Variants in COL4A5 observed in about 807,000 individuals in gnomAD.
The protein encoded by COL4A5 is collagen alpha-5(IV) chain.
Under a neutral mutation model 130.2 loss-of-function variants are expected in COL4A5, and 26 were observed. That is an observed-to-expected ratio of 0.20 (90% confidence interval 0.15 to 0.28). COL4A5 has a LOEUF of 0.28. Ranked by LOEUF, COL4A5 falls within the 10% of genes least tolerant of loss-of-function variation. The probability of loss-of-function intolerance (pLI) is 1.00; values close to 1 mark genes in which losing one functional copy is unlikely to be tolerated. For missense variants in COL4A5, 1,131 were observed against 1,344.3 expected (o/e 0.84, Z 2.48); for synonymous variants, 496 against 439.6 (o/e 1.13, Z -1.60).
chrX:108,477,833 AAAG>A (rs943771287), intron 1 of COL4A5, among the ~76,000 whole-genome samples: 2 of 109,481 alleles, frequency 1.8e-5, no homozygotes, highest in African/African-American at 3.3e-5. Context: ...AAAAAAAAAA[AAAG>A]AAGAAGGAGA....
intron 1 of COL4A5, among the ~76,000 whole-genome samples, chrX:108,538,750 T>C (rs1223184792): frequency 8.9e-6 from 1 of 112,279 alleles, no homozygotes; most frequent in Non-Finnish European, 1.9e-5. Flanking sequence ...AAGTAAACAC[T>C]GAGCTATCCA....
At chrX:108,480,436 G>A (rs2064877958) in intron 1 of COL4A5, among the ~76,000 whole-genome samples, 1 of 112,860 alleles carries the variant, frequency 8.9e-6, no homozygotes, top group African/African-American at 3.2e-5. Flanking sequence ...GATCCAATCA[G>A]CATAATGTCA....
chrX:108,625,010 G>A (rs1468161225), intron 34 of COL4A5, among the ~76,000 whole-genome samples: 3 of 111,724 alleles, frequency 2.7e-5, no homozygotes, highest in African/African-American at 9.7e-5. Flanking sequence ...GTTGGGAAGA[G>A]AAACTCCCTT....
intron 1 of COL4A5, among the ~76,000 whole-genome samples, chrX:108,459,510 T>A (rs1342015912): frequency 3.6e-5 from 4 of 112,526 alleles, no homozygotes; most frequent in Non-Finnish European, 5.6e-5. Context: ...TTGATATTTA[T>A]AAATAACAAT....
chrX:108,473,634 T>TATATATATATATATATATATATATA (rs1556359558), intron 1 of COL4A5, among the ~76,000 whole-genome samples: 1 of 22,927 alleles, frequency 4.4e-5, no homozygotes, highest in African/African-American at 2.1e-4. Flanking sequence ...TATATATATA[T>TATATATATATATATATATATATATA]TTTTTTTTTT....
intron 1 of COL4A5, among the ~76,000 whole-genome samples, chrX:108,476,587 C>G (rs2064836168): frequency 9.6e-6 from 1 of 104,303 alleles, no homozygotes; most frequent in South Asian, 4.6e-4. Context: ...AACCTCACTA[C>G]CCTTCCCAGC....
In COL4A5 at chrX:108,645,911, C is replaced by T. The variant is rs756578251; in HGVS notation, c.3247-9420C>T. Among the ~76,000 whole-genome samples, 59 of 110,986 alleles carry T rather than the reference C, an allele frequency of 5.3e-4. No homozygotes were observed. In the South Asian group the frequency reaches 0.022, roughly 41 times the overall value. On this transcript the variant is annotated intron_variant, in intron 36 of 52. Transcript: ENST00000328300. ...CATGTCCCTACAAAGGACATGAACTCATCATTTTTAATGGCTGCATAGTAT... is the reference window on the plus strand; with the variant it reads ...CATGTCCCTACAAAGGACATGAACTTATCATTTTTAATGGCTGCATAGTAT...
intron 16 of COL4A5, 80 bp downstream of exon 16, chrX:108,581,107 T>A: frequency 1.2e-6 from 1 of 852,141 alleles, no homozygotes; most frequent in Non-Finnish European, 1.8e-6. Flanking sequence ...AGAGAAGCAG[T>A]ATGACAAAAA....
At chrX:108,659,449 A>G (rs1162497696) in intron 37 of COL4A5, among the ~76,000 whole-genome samples, 1 of 110,686 alleles carries the variant, frequency 9.0e-6, no homozygotes, top group East Asian at 2.8e-4. Context: ...ATTCTTACCA[A>G]CTTCTTGCCT....
At chrX:108,587,755 C>T (rs1475711069) in intron 19 of COL4A5, among the ~76,000 whole-genome samples, 3 of 111,052 alleles carry the variant, frequency 2.7e-5, no homozygotes, top group African/African-American at 9.8e-5. Flanking sequence ...TGAGAGTTCC[C>T]TCTTCTCTGC....
intron 1 of COL4A5, among the ~76,000 whole-genome samples, chrX:108,511,037 C>T (rs1603260377): frequency 9.0e-6 from 1 of 111,139 alleles, no homozygotes; most frequent in South Asian, 3.8e-4. Context: ...TTGTTCAAAA[C>T]TACAAAGAAG....
At chrX:108,634,238 T>TA (rs2067316939) in intron 36 of COL4A5, among the ~76,000 whole-genome samples, 1 of 105,580 alleles carries the variant, frequency 9.5e-6, no homozygotes, top group African/African-American at 3.5e-5. Flanking sequence ...AGGAAAGTGA[T>TA]AGCACTGGAA....
intron 36 of COL4A5, among the ~76,000 whole-genome samples, chrX:108,638,469 A>G (rs1296094106): frequency 8.9e-6 from 1 of 111,960 alleles, no homozygotes; most frequent in Non-Finnish European, 1.9e-5. Context: ...ACAGCTAACA[A>G]TGGTAAAAGT....
intron 36 of COL4A5, among the ~76,000 whole-genome samples, chrX:108,642,837 C>T (rs779237857): frequency 1.1e-5 from 1 of 92,776 alleles, no homozygotes. Context: ...CTCTTTAACA[C>T]TCCCCCTCTC....
At chrX:108,602,061 T>A in intron 27 of COL4A5, 72 bp downstream of exon 27, 1 of 555,221 alleles carries the variant, frequency 1.8e-6, no homozygotes, top group East Asian at 3.8e-5. Context: ...TAAAATTCAT[T>A]CAACAAATAA....
chrX:108,639,607 T>C (rs971087834), intron 36 of COL4A5, among the ~76,000 whole-genome samples: 3 of 111,678 alleles, frequency 2.7e-5, no homozygotes, highest in African/African-American at 9.7e-5. Flanking sequence ...ACTCATGGGA[T>C]GGAAGAAAAT....
In COL4A5 at chrX:108,697,341, C is replaced by T. The variant is rs2068752570; in HGVS notation, c.*963C>T. On this transcript the variant is annotated 3_prime_UTR_variant, in exon 53 of 53. Transcript: ENST00000328300. ...TTATGTAAGAATCCTCCTGTGGCCT[C>T]TGCTTGTACAGAACTGGGAAACAAC... is the stretch of plus-strand genomic sequence containing the variant. 9.1e-6 allele frequency: 1 copy of T among 110,414 alleles called. No individual in the cohort carries two copies. The highest frequency in any genetic ancestry group is 3.8e-4 in the South Asian group (1 of 2,624). The allele number at this position is 110,414 out of a possible 1,213,427, so 9.1% of individuals were successfully genotyped here.
intron 30 of COL4A5, among the ~76,000 whole-genome samples, chrX:108,616,551 A>C (rs1268176747): frequency 9.0e-6 from 1 of 111,272 alleles, no homozygotes; most frequent in Non-Finnish European, 1.9e-5. Context: ...TGTTTTACAG[A>C]GGTGGATAAA....
chrX:108,603,653 G>T (rs2066680575), intron 28 of COL4A5, among the ~76,000 whole-genome samples: 1 of 111,657 alleles, frequency 9.0e-6, no homozygotes, highest in Admixed American at 9.5e-5. Flanking sequence ...AGGTTGGGTG[G>T]CTGTGGCCAT....
Sources: allele counts gnomAD v4.1 joint callset (sites outside exome capture counted in the v4.1 genomes callset), GRCh38; gene constraint gnomAD v4.1.1; transcripts MANE v1.5; gene names NCBI Gene and HGNC (gene_info 2026-07-23, HGNC 2026-07-21).